CYP2E1: variants seen among roughly 807,000 people sequenced by gnomAD.
CYP2E1 encodes the protein cytochrome P450 family 2 subfamily E member 1.
Under a neutral mutation model 42.9 loss-of-function variants are expected in CYP2E1, and 31 were observed. The observed-to-expected ratio is 0.72, with a 90% CI of 0.54 to 0.98. CYP2E1 has a LOEUF of 0.98. CYP2E1 is among the 50% of genes least tolerant of loss of function. The probability of loss-of-function intolerance (pLI) is 0.00; values close to 1 mark genes in which losing one functional copy is unlikely to be tolerated. For synonymous variants in CYP2E1, 244 were observed against 248.9 expected (o/e 0.98, Z 0.19); for missense variants, 565 against 633.2 (o/e 0.89, Z 1.16).
In CYP2E1 at chr10:133,532,122, A is replaced by G. The variant is rs780885158; in HGVS notation, c.488-2A>G. The stretch of plus-strand genomic sequence containing the variant: ...TGGTTGCCCTGACTGCCTGTTTTGT[A>G]GGCCAGCCTTTCGACCCCACCTTCC... On this transcript the variant is annotated splice_acceptor_variant, in intron 3 of 8. Coordinates refer to ENST00000252945, the MANE Select transcript of CYP2E1 (RefSeq NM_000773.4). LOFTEE classifies it high-confidence loss of function. The G allele has an allele frequency of 6.2e-7, 1 of 1,612,520 alleles. No individual in the cohort carries two copies. The highest frequency in any genetic ancestry group is 8.5e-7 in the Non-Finnish European group (1 of 1,179,012).
chr10:133,528,228 T>A, intron 1 of CYP2E1: 1 of 401,856 alleles, frequency 2.5e-6, no homozygotes, highest in East Asian at 3.8e-5. Context: ...GTCCGCGGAG[T>A]TGCCGCGGAG....
At position 133,537,766 on chromosome 10, in the gene CYP2E1, C is replaced by A; in HGVS notation, c.1171C>A (p.Pro391Thr). 1 of 1,613,694 alleles carries A rather than the reference C, an allele frequency of 6.2e-7. No homozygotes were observed. Among genetic ancestry groups the A allele is most frequent in the Non-Finnish European group, 8.5e-7 (1 of 1,179,724 alleles). ...TTTCTCCTAGGGCACAGTCGTAGTG[C>A]CAACTCTGGACTCTGTTTTGTATGA... ...YLIPKGTVVV[P>T]TLDSVLYDNQ... The change falls in exon 8 of 9, where the codon CCA becomes ACA. Residue 391 changes from proline (P) to threonine (T), a missense_variant. By Grantham distance (38) the Pro-to-Thr change is conservative (BLOSUM62 -1). Coordinates refer to ENST00000252945, the MANE Select transcript of CYP2E1 (RefSeq NM_000773.4).
In CYP2E1 at chr10:133,532,157, G is replaced by A; in HGVS notation, c.521G>A (p.Cys174Tyr). 2 of 1,613,936 alleles carry A rather than the reference G, an allele frequency of 1.2e-6. No individual in the cohort carries two copies. The highest frequency in any genetic ancestry group is 1.7e-6 in the Non-Finnish European group (2 of 1,179,986). Residue 174 changes from cysteine to tyrosine, a missense_variant, in exon 4 of 9, where the codon TGC becomes TAC. By Grantham distance (194) the Cys-to-Tyr change is radical (BLOSUM62 -2). Coordinates refer to ENST00000252945, the MANE Select transcript of CYP2E1 (RefSeq NM_000773.4). Reference sequence around the variant, plus strand: ...TTCGACCCCACCTTCCTCATCGGCTGCGCGCCCTGCAACGTCATAGCCGAC... The same window carrying A: ...TTCGACCCCACCTTCCTCATCGGCTACGCGCCCTGCAACGTCATAGCCGAC... ...QPFDPTFLIG[C>Y]APCNVIADIL...
Position 133,528,486 on chromosome 10 carries a change from C to T in CYP2E1, c.183C>T (p.Ala61=), listed in dbSNP as rs762634609. ...CTAGCCACGGGTCTCCGCAGTTGGC[C>T]CAGCGCTTCGGGCCGGTGTTCACGC... ...KNIPKSFTRL[A]QRFGPVFTLY... Residue 61 remains alanine, a synonymous_variant, in exon 2 of 9, where the codon GCC becomes GCT. Coordinates refer to ENST00000252945, the MANE Select transcript of CYP2E1 (RefSeq NM_000773.4). The T allele has an allele frequency of 6.2e-7, 1 of 1,612,936 alleles. No homozygotes were observed.
intron 5 of CYP2E1, among the ~76,000 whole-genome samples, chr10:133,533,324 C>T (rs1223991794): frequency 6.6e-6 from 1 of 152,216 alleles, no homozygotes; most frequent in African/African-American, 2.4e-5. Flanking sequence ...CTTGTCCTTT[C>T]CTATGGCTTG....
In CYP2E1 at chr10:133,527,579, GA is replaced by G; in HGVS notation, c.177+10del. On this transcript the variant is annotated splice_region_variant and intron_variant, in intron 1 of 8. Coordinates refer to ENST00000252945, the MANE Select transcript of CYP2E1 (RefSeq NM_000773.4). ...TCCCAAGTCCTTCACCCGGGTAAGA[GA>G]AATAGTGTTGATTTTAGGGAGAATA... 1.2e-6 allele frequency: 2 copies of G among 1,601,992 alleles called. No homozygotes were observed. Among genetic ancestry groups the G allele is most frequent in the Non-Finnish European group, 1.7e-6 (2 of 1,170,816 alleles).
At chr10:133,528,864 G>A (rs747649252) in intron 2 of CYP2E1, among the ~76,000 whole-genome samples, 1 of 152,264 alleles carries the variant, frequency 6.6e-6, no homozygotes, top group Admixed American at 6.5e-5. Flanking sequence ...GACTGTGCGG[G>A]AGAGTTTATG....
In CYP2E1 at chr10:133,532,130, C is replaced by G. The variant is rs1314163001; in HGVS notation, c.494C>G (p.Pro165Arg). 6.2e-7 allele frequency: 1 copy of G among 1,613,138 alleles called. No homozygotes were observed. The highest frequency in any genetic ancestry group is 8.5e-7 in the Non-Finnish European group (1 of 1,179,488). Residue 165 changes from proline to arginine, a missense_variant, in exon 4 of 9, where the codon CCT becomes CGT. Transcript: ENST00000252945. ...LEALRKTQGQ[P>R]FDPTFLIGCA... Reference sequence around the variant, plus strand: ...CTGACTGCCTGTTTTGTAGGCCAGCCTTTCGACCCCACCTTCCTCATCGGC... The same window carrying G: ...CTGACTGCCTGTTTTGTAGGCCAGCGTTTCGACCCCACCTTCCTCATCGGC...
chr10:133,528,666 C>G (rs374005068), intron 2 of CYP2E1, 26 bp downstream of exon 2: 2 of 1,611,604 alleles, frequency 1.2e-6, no homozygotes, highest in South Asian at 2.2e-5. Context: ...TGGCACGGAG[C>G]GGGGGGTGCA....
chr10:133,538,374 G>A (rs771011230), intron 8 of CYP2E1, among the ~76,000 whole-genome samples: 85 of 152,122 alleles, frequency 5.6e-4, no homozygotes, highest in Non-Finnish European at 1.0e-3. Flanking sequence ...CTTAGGGATT[G>A]TTGTGGGAAG....
At position 133,537,743 on chromosome 10, in the gene CYP2E1, T is replaced by C; in HGVS notation, c.1156-8T>C. 1 of 1,607,962 alleles carries C rather than the reference T, an allele frequency of 6.2e-7. No homozygotes were observed. Among genetic ancestry groups the C allele is most frequent in the Non-Finnish European group, 8.5e-7 (1 of 1,178,022 alleles). ...ATGACTCACTGAGACAGTCTTTGTT[T>C]CTCCTAGGGCACAGTCGTAGTGCCA... On this transcript the variant is annotated splice_polypyrimidine_tract_variant and splice_region_variant and intron_variant, in intron 7 of 8. Transcript: ENST00000252945.
rs374647442 is a variant in CYP2E1, at chr10:133,527,367, C to T, written c.-29C>T. The T allele has an allele frequency of 6.7e-5, 106 of 1,581,972 alleles. 1 individual carries two copies. The African/African-American group carries it at 7.9e-4, about 12-fold the overall frequency. On this transcript the variant is annotated 5_prime_UTR_variant, in exon 1 of 9. Coordinates refer to ENST00000252945, the MANE Select transcript of CYP2E1 (RefSeq NM_000773.4). ...CTTCCGTTTCCACAGGATTGTCTCC[C>T]GGGCTGGCAGCAGGGCCCCAGCGGC... is the stretch of plus-strand genomic sequence containing the variant.
At position 133,532,476 on chromosome 10, in the gene CYP2E1, C is replaced by A. The variant is rs540678270; in HGVS notation, c.648+192C>A. ...GGGCCCCACGCACCCCCTTTCCTAACGTCAGGATGTGTATCGACCTGTGTG... is the reference window on the plus strand; with the variant it reads ...GGGCCCCACGCACCCCCTTTCCTAAAGTCAGGATGTGTATCGACCTGTGTG... On this transcript the variant is annotated intron_variant, in intron 4 of 8. Transcript: ENST00000252945. Among the ~76,000 whole-genome samples, 2 of 152,238 alleles carry A rather than the reference C, an allele frequency of 1.3e-5. 1 individual carries two copies. Among genetic ancestry groups the A allele is most frequent in the South Asian group, 4.2e-4 (2 of 4,818 alleles).
intron 2 of CYP2E1, among the ~76,000 whole-genome samples, chr10:133,530,045 G>A (rs1851318532): frequency 6.6e-6 from 1 of 152,142 alleles, no homozygotes; most frequent in Non-Finnish European, 1.5e-5. Flanking sequence ...AGGGAGGGGA[G>A]CGGAATTCAC....
At chr10:133,532,545 G>A in intron 4 of CYP2E1, 147 bp from the exon 5 acceptor site, 1 of 792,214 alleles carries the variant, frequency 1.3e-6, no homozygotes, top group Non-Finnish European at 2.0e-6. Flanking sequence ...GGAGAATGGT[G>A]CCCAAGAAGG....
At chr10:133,538,603 A>G (rs1851435078) in intron 8 of CYP2E1, among the ~76,000 whole-genome samples, 177 bp from the exon 9 acceptor site, 1 of 152,150 alleles carries the variant, frequency 6.6e-6, no homozygotes, top group Non-Finnish European at 1.5e-5. Flanking sequence ...TGTTGCTGGT[A>G]TCCTTCCACT....
At chr10:133,532,669 A>G (rs757838661) in intron 4 of CYP2E1, 23 bp from the exon 5 acceptor site, 6 of 1,548,766 alleles carry the variant, frequency 3.9e-6, no homozygotes, top group Non-Finnish European at 5.2e-6. Flanking sequence ...AAAAAGTAGT[A>G]AAATATTTTT....
chr10:133,536,411 G>A (rs1307323314), intron 6 of CYP2E1, among the ~76,000 whole-genome samples: 1 of 151,064 alleles, frequency 6.6e-6, no homozygotes, highest in African/African-American at 2.4e-5. Flanking sequence ...GTGGATGGAC[G>A]GACGGATGGA....
intron 4 of CYP2E1, 26 bp from the exon 5 acceptor site, chr10:133,532,666 A>G (rs539645970): frequency 9.1e-6 from 14 of 1,544,094 alleles, no homozygotes; most frequent in South Asian, 3.8e-5. Context: ...AGAAAAAAGT[A>G]GTAAAATATT....
Sources: allele counts gnomAD v4.1 joint callset (sites outside exome capture counted in the v4.1 genomes callset), GRCh38; gene constraint gnomAD v4.1.1; transcripts MANE v1.5; gene names NCBI Gene and HGNC (gene_info 2026-07-23, HGNC 2026-07-21).